TEP1: variants seen among roughly 807,000 people sequenced by gnomAD.
TEP1 encodes telomerase associated protein 1.
TEP1 carries 241 observed loss-of-function variants against 306.3 expected under a neutral mutation model. That is an observed-to-expected ratio of 0.79 (90% CI 0.71 to 0.88). The LOEUF (loss-of-function observed/expected upper bound fraction) is 0.88, where lower values mean the gene tolerates loss of function less well. Among genes scored for constraint, TEP1 ranks in the 40% least tolerant of loss-of-function variants. The pLI is 0.00. For synonymous variants in TEP1, 1,289 were observed against 1,305.5 expected, an observed-to-expected ratio of 0.99 and a Z score of 0.27; for missense variants, 3,051 against 3,276.1, an observed-to-expected ratio of 0.93 and a Z score of 1.68.
At chr14:20,405,690 C>T (rs1259212304) in intron 3 of TEP1, 105 bp from the exon 4 acceptor site, 4 of 1,354,702 alleles carry the variant, frequency 3.0e-6, no homozygotes, top group Non-Finnish European at 4.0e-6. Context: ...AGAATGGACC[C>T]GAGATGTGGA....
chr14:20,368,666 G>A, intron 54 of TEP1, 107 bp from the exon 55 acceptor site: 3 of 1,546,850 alleles, frequency 1.9e-6, no homozygotes, highest in Non-Finnish European at 2.7e-6. Flanking sequence ...GTCATACATT[G>A]CAAGTGATTG....
At chr14:20,379,142 C>T in intron 35 of TEP1, 37 bp from the exon 36 acceptor site, 1 of 1,608,282 alleles carries the variant, frequency 6.2e-7, no homozygotes, top group Non-Finnish European at 8.5e-7. Context: ...CTCAGGCCAT[C>T]CCCTTGACCC....
Position 20,383,828 on chromosome 14 carries a change from CCTGGT to C in TEP1, c.3620_3624del (p.Asp1207GlyfsTer45). The C allele has an allele frequency of 6.2e-7, 1 of 1,608,020 alleles. No individual in the cohort carries two copies. Among genetic ancestry groups the C allele is most frequent in the Non-Finnish European group, 8.5e-7 (1 of 1,179,310 alleles). ...CGTCTGAGCAGAGTGAGGGCAAGACCCTGGTCAGGACGAGCCCCAGAAAAGTGGAA... is the reference window on the plus strand; with the variant it reads ...CGTCTGAGCAGAGTGAGGGCAAGACCCAGGACGAGCCCCAGAAAAGTGGAA... On this transcript the variant is annotated frameshift_variant, in exon 25 of 55. Coordinates refer to ENST00000262715, the MANE Select transcript of TEP1 (RefSeq NM_007110.5). LOFTEE classifies it high-confidence loss of function.
chr14:20,388,302 C>A (rs1877382877), intron 17 of TEP1, among the ~76,000 whole-genome samples: 4 of 152,148 alleles, frequency 2.6e-5, no homozygotes, highest in Non-Finnish European at 5.9e-5. Flanking sequence ...GTGGTAATCA[C>A]AAACTTGCTG....
chr14:20,369,731 T>C lies in TEP1; in HGVS notation c.7366A>G (p.Asn2456Asp). ...EFEERLNFDI[N>D]LENPSRTLIS... ...AGGGTCCTACTAGGATTCTCTAAGT[T>C]TATATCAAAGTTCAGCCTCTCTTCA... The change falls in exon 52 of 55, where the codon AAC becomes GAC. Residue 2456 changes from asparagine to aspartate, a missense_variant. This residue lies in a region of TEP1 where 1,540 missense variants were observed against 1,705.9 expected (regional missense o/e 0.90). Transcript: ENST00000262715. The C allele has an allele frequency of 6.2e-7, 1 of 1,614,196 alleles. No individual in the cohort carries two copies. Among genetic ancestry groups the C allele is most frequent in the Non-Finnish European group, 8.5e-7 (1 of 1,180,040 alleles).
Position 20,405,615 on chromosome 14 carries a change from G to A in TEP1, c.736-30C>T, listed in dbSNP as rs140974086. On this transcript the variant is annotated intron_variant, in intron 3 of 54. Coordinates refer to ENST00000262715, the MANE Select transcript of TEP1 (RefSeq NM_007110.5). ...GAATTGAGAAAGAGGGAAGAAATGA[G>A]AAGAGAGGTAACAAGGACCAACTTA... 1,505 of 1,610,358 alleles carry A rather than the reference G, an allele frequency of 9.3e-4. 14 individuals carry two copies. The African/African-American group carries it at 0.018, about 19-fold the overall frequency.
intron 12 of TEP1, among the ~76,000 whole-genome samples, chr14:20,392,832 G>A (rs1320593843): frequency 1.3e-5 from 2 of 151,940 alleles, no homozygotes; most frequent in Non-Finnish European, 2.9e-5. Context: ...AAACACACAT[G>A]AAATAAGGAA....
chr14:20,372,641 T>C, intron 49 of TEP1, 92 bp downstream of exon 49: 1 of 1,571,826 alleles, frequency 6.4e-7, no homozygotes, highest in African/African-American at 1.3e-5. Flanking sequence ...CCAATTGACC[T>C]AGTTCAGAAG....
chr14:20,389,224 C>A lies in TEP1; in HGVS notation c.2525+14G>T. On this transcript the variant is annotated intron_variant, in intron 17 of 54. Transcript: ENST00000262715. ...ACAAAGTATCCAACCCTTCAGTATC[C>A]ATTCTGTACTCACTTCAGTATCGCA... The A allele has an allele frequency of 6.2e-7, 1 of 1,612,540 alleles. No individual in the cohort carries two copies. The highest frequency in any genetic ancestry group is 1.1e-5 in the South Asian group (1 of 90,994).
At chr14:20,410,757 G>C (rs1293410469) in intron 1 of TEP1, among the ~76,000 whole-genome samples, 2 of 140,220 alleles carry the variant, frequency 1.4e-5, no homozygotes, top group Non-Finnish European at 1.5e-5. Flanking sequence ...TTTTTTTTAA[G>C]CATGTTTGCT....
In TEP1 at chr14:20,407,875, A is replaced by C. The variant is rs745556287; in HGVS notation, c.565T>G (p.Leu189Val). 1.3e-6 allele frequency: 2 copies of C among 1,588,556 alleles called. No individual in the cohort carries two copies. The highest frequency in any genetic ancestry group is 1.7e-6 in the Non-Finnish European group (2 of 1,166,986). Residue 189 changes from leucine to valine, a missense_variant and splice_region_variant, in exon 2 of 55, where the codon TTG (leucine) becomes GTG (valine). This residue lies in a region of TEP1 where 1,507 missense variants were observed against 1,550.5 expected (regional missense o/e 0.97). Transcript: ENST00000262715. ...SATETAQEAT[L>V]GRWFDSEEKK... is the part of the protein sequence containing the mutation. ...AGATGAGTGCCTGGAGCTATTACCA[A>C]AGTTGCTTCCTGAGCTGTCTCTGTG...
At position 20,377,408 on chromosome 14, in the gene TEP1, G is replaced by A. The variant is rs1368307833; in HGVS notation, c.5960C>T (p.Ala1987Val). Reference sequence around the variant, plus strand: ...CCAGCCCTGCAAGGACCCATCTTCTGCACCACTCACCAATACCTTGGGGCT... The same window carrying A: ...CCAGCCCTGCAAGGACCCATCTTCTACACCACTCACCAATACCTTGGGGCT... ...WLSPKVLVSGAEDGSLQGWAL... is the reference protein window; with the variant it reads ...WLSPKVLVSGVEDGSLQGWAL... Residue 1987 changes from alanine (A) to valine (V), a missense_variant, in exon 41 of 55, where the codon GCA becomes GTA. Transcript: ENST00000262715. The A allele has an allele frequency of 6.2e-7, 1 of 1,614,100 alleles. No individual in the cohort carries two copies. The highest frequency in any genetic ancestry group is 1.1e-5 in the South Asian group (1 of 91,082).
At position 20,384,048 on chromosome 14, in the gene TEP1, G is replaced by C. The variant is rs749820806; in HGVS notation, c.3524C>G (p.Thr1175Arg). 4.4e-6 allele frequency: 7 copies of C among 1,607,242 alleles called. No individual in the cohort carries two copies. Among genetic ancestry groups the C allele is most frequent in the Admixed American group, 1.7e-5 (1 of 59,602 alleles). Residue 1175 changes from threonine to arginine, a missense_variant, in exon 24 of 55, where the codon ACA becomes AGA. Thr to Arg is a moderately conservative substitution (Grantham distance 71). Around this residue, in one of 3 missense-constraint regions of TEP1, gnomAD observed 1,507 missense variants for 1,550.5 expected, o/e 0.97. Coordinates refer to ENST00000262715, the MANE Select transcript of TEP1 (RefSeq NM_007110.5). ...LVTGQSGQGK[T>R]AFLASLVSAL... ...CCTGAGACTCTGTACCAGGAAGGCT[G>C]TCTTGCCCTGTCCTGACTGCCCCGT...
Position 20,371,012 on chromosome 14 carries a change from G to A in TEP1, c.7317+206C>T, listed in dbSNP as rs139362330. Among the ~76,000 whole-genome samples, 41 of 152,302 alleles carry A rather than the reference G, an allele frequency of 2.7e-4. No homozygotes were observed. In the East Asian group the frequency reaches 5.6e-3, roughly 21 times the overall value. ...ATGGTTTCCTATGGCTTTCTAAAAC[G>A]GTAGAGTCCTTTCTTGTACCAGTGA... On this transcript the variant is annotated intron_variant, in intron 51 of 54. Coordinates refer to ENST00000262715, the MANE Select transcript of TEP1 (RefSeq NM_007110.5).
Position 20,403,623 on chromosome 14 carries a change from C to T in TEP1, c.1194+100G>A, listed in dbSNP as rs1878934830. 3.8e-6 allele frequency: 6 copies of T among 1,593,696 alleles called. No individual in the cohort carries two copies. In the Admixed American group the frequency reaches 8.5e-5, roughly 23 times the overall value. ...AGCTCCCCTGCATTTCTCTGACTCC[C>T]TTTGCTCCTGGTGTGGGACTCCCCA... On this transcript the variant is annotated intron_variant, in intron 6 of 54. Coordinates refer to ENST00000262715, the MANE Select transcript of TEP1 (RefSeq NM_007110.5).
intron 49 of TEP1, 93 bp from the exon 50 acceptor site, chr14:20,371,725 G>T: frequency 7.1e-7 from 1 of 1,410,160 alleles, no homozygotes; most frequent in Non-Finnish European, 9.4e-7. Flanking sequence ...CAGGAATGAA[G>T]TACAAAGCAA....
chr14:20,413,156 C>T (rs1445246843), intron 1 of TEP1, among the ~76,000 whole-genome samples: 1 of 152,214 alleles, frequency 6.6e-6, no homozygotes, highest in African/African-American at 2.4e-5. Context: ...TCTCCTTCAG[C>T]CTTCTCCTCC....
At chr14:20,404,375 C>T (rs1265406883) in intron 5 of TEP1, among the ~76,000 whole-genome samples, 1 of 131,324 alleles carries the variant, frequency 7.6e-6, no homozygotes, top group African/African-American at 3.2e-5. Context: ...AAAAAAAAAG[C>T]ATGAGGTCCA....
chr14:20,371,239 A>T lies in TEP1; in HGVS notation c.7296T>A (p.Asp2432Glu). The change falls in exon 51 of 55, where the codon GAT becomes GAA. Residue 2432 changes from aspartate to glutamate, a missense_variant. Transcript: ENST00000262715. ...EYGIFVLQPK[D>E]PGVLSFLRQK... is the part of the protein sequence containing the mutation. ...TTACCAAGAAAGAAAGAACTCCAGG[A>T]TCCTTGGGCTGCAGGACAAATATGC... 6.2e-7 allele frequency: 1 copy of T among 1,614,166 alleles called. No homozygotes were observed.
Sources: gnomAD v4.1 joint callset for allele counts (sites outside exome capture counted in the v4.1 genomes callset) on GRCh38, gnomAD v4.1.1 for gene constraint, gnomAD v4.1.1 regional missense constraint, MANE v1.5 for transcripts, NCBI Gene and HGNC (gene_info 2026-07-23, HGNC 2026-07-21) for gene names.